Variants in ADAM19 observed in about 807,000 individuals in gnomAD.
The protein encoded by ADAM19 is ADAM metallopeptidase domain 19.
ADAM19 carries 65 observed loss-of-function variants against 114.7 expected under a neutral mutation model. The observed-to-expected ratio is 0.57, with a 90% CI of 0.46 to 0.70. The LOEUF is 0.70. ADAM19 is among the 30% of genes least tolerant of loss of function. The pLI is 0.00. For missense variants in ADAM19, 1,063 were observed against 1,204.7 expected (o/e 0.88, Z 1.74); for synonymous variants, 466 against 460.5 (o/e 1.01, Z -0.15).
At chr5:157,539,274 A>G (rs1756850924) in intron 3 of ADAM19, among the ~76,000 whole-genome samples, 1 of 152,196 alleles carries the variant, frequency 6.6e-6, no homozygotes, top group Non-Finnish European at 1.5e-5. Context: ...TGACTTTTAA[A>G]TTAACTGTCA....
chr5:157,550,860 G>T (rs930513231), intron 3 of ADAM19, among the ~76,000 whole-genome samples: 1 of 152,042 alleles, frequency 6.6e-6, no homozygotes, highest in Non-Finnish European at 1.5e-5. Flanking sequence ...ATGTAAATTC[G>T]CTTTGACTCA....
In ADAM19 at chr5:157,479,822, A is replaced by G; in HGVS notation, c.*1127T>C. 1.0e-6 allele frequency: 1 copy of G among 985,568 alleles called. No homozygotes were observed. 61.1% of individuals were successfully genotyped at this position (985,568 alleles called of 1,614,324 possible). A position where few individuals can be genotyped will look rare whatever the true frequency, so the allele number is the denominator to read the frequency against. On this transcript the variant is annotated 3_prime_UTR_variant, in exon 23 of 23. Coordinates refer to ENST00000257527, the MANE Select transcript of ADAM19 (RefSeq NM_033274.5). ...GCAACGGTCCAGCCCGAAGTCAATG[A>G]CCAGCCTGCTCCCTCGTGTGTACTT...
intron 5 of ADAM19, among the ~76,000 whole-genome samples, chr5:157,528,887 G>A (rs1756547039): frequency 6.6e-6 from 1 of 152,192 alleles, no homozygotes; most frequent in Non-Finnish European, 1.5e-5. Context: ...CTCCACCTGT[G>A]TAGGGTATGG....
rs1754729218 is a variant in ADAM19, at chr5:157,481,010, G to A, written c.2704-8C>T. The A allele has an allele frequency of 6.2e-7, 1 of 1,614,114 alleles. No individual in the cohort carries two copies. The highest frequency in any genetic ancestry group is 1.7e-5 in the Admixed American group (1 of 60,020). On this transcript the variant is annotated splice_region_variant and splice_polypyrimidine_tract_variant and intron_variant, in intron 22 of 22. Transcript: ENST00000257527. ...TGATCTGTATTCTGGAAACTGGGAAGAAAAAGAAGGGAGGGAGAGAGACAT... is the reference window on the plus strand; with the variant it reads ...TGATCTGTATTCTGGAAACTGGGAAAAAAAAGAAGGGAGGGAGAGAGACAT...
intron 3 of ADAM19, among the ~76,000 whole-genome samples, chr5:157,559,510 T>C (rs1692781580): frequency 6.6e-6 from 1 of 152,218 alleles, no homozygotes; most frequent in Admixed American, 6.5e-5. Context: ...AGCAATTCAG[T>C]GTGCCCTCCT....
intron 2 of ADAM19, among the ~76,000 whole-genome samples, chr5:157,565,182 G>C (rs1194314212): frequency 6.6e-6 from 1 of 152,198 alleles, no homozygotes; most frequent in Admixed American, 6.5e-5. Context: ...TATACCAGTG[G>C]TTGATAAGCA....
In ADAM19 at chr5:157,490,360, T is replaced by G. The variant is rs1240314096; in HGVS notation, c.2190A>C (p.Leu730=). ...GGAGAGCTGAGGGCTTGAGTTGGCC[T>G]AGTTTGTTGTTCTGTCTGCAGCAGT... ...MYYCCRQNNK[L]GQLKPSALPS... Residue 730 remains leucine (L), a synonymous_variant, in exon 19 of 23, where the codon CTA becomes CTC. Coordinates refer to ENST00000257527, the MANE Select transcript of ADAM19 (RefSeq NM_033274.5). 1 of 1,613,996 alleles carries G rather than the reference T, an allele frequency of 6.2e-7. No individual in the cohort carries two copies. Among genetic ancestry groups the G allele is most frequent in the East Asian group, 2.2e-5 (1 of 44,874 alleles).
chr5:157,544,029 C>T (rs898360617), intron 3 of ADAM19, among the ~76,000 whole-genome samples: 1 of 152,156 alleles, frequency 6.6e-6, no homozygotes, highest in Admixed American at 6.5e-5. Context: ...GGAAACAAAC[C>T]AACGTGCCAA....
intron 3 of ADAM19, among the ~76,000 whole-genome samples, chr5:157,545,333 C>T (rs182923518): frequency 6.6e-6 from 1 of 152,266 alleles, no homozygotes; most frequent in African/African-American, 2.4e-5. Context: ...CGTTGCATTG[C>T]TGACTAGGGC....
At chr5:157,494,633 A>T (rs1755295224) in intron 15 of ADAM19, 54 bp downstream of exon 15, 1 of 1,494,878 alleles carries the variant, frequency 6.7e-7, no homozygotes. Context: ...GTGAGGACAG[A>T]GCAGAAACTG....
At chr5:157,502,607 G>A (rs1477837850) in intron 12 of ADAM19, among the ~76,000 whole-genome samples, 196 bp downstream of exon 12, 1 of 152,186 alleles carries the variant, frequency 6.6e-6, no homozygotes, top group Non-Finnish European at 1.5e-5. Flanking sequence ...TAGCGATGCT[G>A]GCCACAAACT....
chr5:157,575,550 C>T, intron 1 of ADAM19, 53 bp downstream of exon 1: 2 of 1,360,266 alleles, frequency 1.5e-6, no homozygotes, highest in South Asian at 2.9e-5. Context: ...CGCAAGGCTA[C>T]TCCCAGGTCT....
intron 13 of ADAM19, among the ~76,000 whole-genome samples, chr5:157,497,830 G>A (rs535636217): frequency 3.9e-5 from 6 of 152,262 alleles, no homozygotes; most frequent in Non-Finnish European, 7.3e-5. Flanking sequence ...CTGGGTAGTC[G>A]GTGTTACTAA....
intron 4 of ADAM19, among the ~76,000 whole-genome samples, chr5:157,533,156 C>T (rs980283907): frequency 6.6e-6 from 1 of 152,200 alleles, no homozygotes; most frequent in African/African-American, 2.4e-5. Context: ...ACACTCAACA[C>T]GGCCTCGTTC....
intron 3 of ADAM19, among the ~76,000 whole-genome samples, chr5:157,542,649 A>G (rs1415172814): frequency 6.6e-6 from 1 of 152,104 alleles, no homozygotes; most frequent in Admixed American, 6.5e-5. Context: ...CGTCTCTACA[A>G]AAAAAAATAG....
chr5:157,505,640 C>G (rs780805764), intron 11 of ADAM19, 29 bp downstream of exon 11: 2 of 1,611,602 alleles, frequency 1.2e-6, no homozygotes, highest in South Asian at 2.2e-5. Context: ...CGCCCTCCTC[C>G]CCATCCTCCC....
chr5:157,488,350 C>G lies in ADAM19; in HGVS notation c.2465G>C (p.Gly822Ala), dbSNP rs201225966. ...SRAARNSPGP[G>A]SQIERTESSR... ...CGACTCCGTCCTCTCTATTTGAGAC[C>G]CGGGCCCTGGGGAGTTCCTAGCAGC... Residue 822 changes from glycine (G) to alanine (A), a missense_variant, in exon 21 of 23, where the codon GGG becomes GCG. Around this residue, in one of 3 missense-constraint regions of ADAM19, gnomAD observed 424 missense variants for 445.5 expected, o/e 0.95. Coordinates refer to ENST00000257527, the MANE Select transcript of ADAM19 (RefSeq NM_033274.5). 16 of 1,614,188 alleles carry G rather than the reference C, an allele frequency of 9.9e-6. No homozygotes were observed. The East Asian group carries it at 2.9e-4, about 29-fold the overall frequency.
At chr5:157,537,775 G>A (rs936876303) in intron 4 of ADAM19, 138 bp downstream of exon 4, 19 of 686,600 alleles carry the variant, frequency 2.8e-5, no homozygotes, top group African/African-American at 3.6e-5. Context: ...TTTGCTTCTC[G>A]TTTGCTCCCT....
chr5:157,494,122 G>A (rs771126897), intron 15 of ADAM19, among the ~76,000 whole-genome samples: 3 of 152,202 alleles, frequency 2.0e-5, no homozygotes, highest in Admixed American at 2.0e-4. Flanking sequence ...ATAGTAGATA[G>A]ACAGTAAATC....
Sources: gnomAD v4.1 joint callset for allele counts (sites outside exome capture counted in the v4.1 genomes callset) on GRCh38, gnomAD v4.1.1 for gene constraint, gnomAD v4.1.1 regional missense constraint, MANE v1.5 for transcripts, NCBI Gene and HGNC (gene_info 2026-07-23, HGNC 2026-07-21) for gene names.